LARS2: variants seen among roughly 807,000 people sequenced by gnomAD.
LARS2 encodes leucyl-tRNA synthetase 2, mitochondrial.
In LARS2, 81 loss-of-function variants were observed where a neutral mutation model predicts 116.6. The ratio of observed to expected loss-of-function variants is 0.69; its 90% CI spans 0.58 to 0.84. The LOEUF is 0.84. LARS2 is among the 40% of genes least tolerant of loss of function. The probability of loss-of-function intolerance (pLI) is 0.00; values close to 1 mark genes in which losing one functional copy is unlikely to be tolerated. For missense variants in LARS2, 968 were observed against 1,114.5 expected (o/e 0.87, Z 1.87); for synonymous variants, 396 against 407.2 (o/e 0.97, Z 0.33).
intron 8 of LARS2, among the ~76,000 whole-genome samples, chr3:45,460,207 T>A (rs1434313776): frequency 6.6e-6 from 1 of 152,206 alleles, no homozygotes; most frequent in Non-Finnish European, 1.5e-5. Flanking sequence ...TTTGGAGAGG[T>A]GCTCATTAGA....
chr3:45,464,665 G>C (rs979878503), intron 8 of LARS2, among the ~76,000 whole-genome samples: 5 of 152,158 alleles, frequency 3.3e-5, no homozygotes, highest in African/African-American at 4.8e-5. Flanking sequence ...CCTCCTGTTT[G>C]TGCGTCAAAG....
At chr3:45,399,061 G>C (rs1409701553) in intron 3 of LARS2, among the ~76,000 whole-genome samples, 1 of 152,204 alleles carries the variant, frequency 6.6e-6, no homozygotes, top group Non-Finnish European at 1.5e-5. Context: ...AGTTGTCTAT[G>C]TTTCTCATGA....
At position 45,476,638 on chromosome 3, in the gene LARS2, A is replaced by C. The variant is rs1292559559; in HGVS notation, c.1018+11A>C. The C allele has an allele frequency of 6.2e-7, 1 of 1,613,856 alleles. No individual in the cohort carries two copies. The highest frequency in any genetic ancestry group is 1.1e-5 in the South Asian group (1 of 91,078). On this transcript the variant is annotated intron_variant, in intron 10 of 21. Coordinates refer to ENST00000645846, the MANE Select transcript of LARS2 (RefSeq NM_015340.4). ...TTGTCCCTGGCAAAGGTGAGCTGGC[A>C]AGTTAACGGCTCAGGTGGTAGGATT... is the stretch of plus-strand genomic sequence containing the variant.
chr3:45,523,009 G>T (rs1559496750), intron 19 of LARS2, among the ~76,000 whole-genome samples: 1 of 152,086 alleles, frequency 6.6e-6, no homozygotes, highest in Non-Finnish European at 1.5e-5. Flanking sequence ...TGCATTTTTG[G>T]AGACAAGGAT....
At chr3:45,450,462 T>A (rs1431433182) in intron 7 of LARS2, among the ~76,000 whole-genome samples, 2 of 152,226 alleles carry the variant, frequency 1.3e-5, no homozygotes, top group Admixed American at 6.5e-5. Context: ...TCCACTTTTT[T>A]AAGCTCTCAC....
At position 45,491,732 on chromosome 3, in the gene LARS2, G is replaced by A. The variant is rs2128361; in HGVS notation, c.1455G>A (p.Ala485=). Residue 485 remains alanine (A), a synonymous_variant, in exon 13 of 22, where the codon GCG becomes GCA. Coordinates refer to ENST00000645846, the MANE Select transcript of LARS2 (RefSeq NM_015340.4). Reference sequence around the variant, plus strand: ...TGCCTGTGACCCTGCCCAACATCGCGTCTTTCACTGGCAAGGGAGGCCCCC... The same window carrying A: ...TGCCTGTGACCCTGCCCAACATCGCATCTTTCACTGGCAAGGGAGGCCCCC... ...EDLPVTLPNI[A]SFTGKGGPPL... The A allele has an allele frequency of 0.92, 1,488,293 of 1,614,084 alleles. 697,058 individuals carry two copies. The highest frequency in any genetic ancestry group is 0.98 in the East Asian group (43,865 of 44,884).
intron 6 of LARS2, among the ~76,000 whole-genome samples, chr3:45,443,652 T>C (rs116640578): frequency 0.021 from 3,249 of 152,142 alleles, 82 homozygotes; most frequent in African/African-American, 0.07. Flanking sequence ...TCTGGGCAGG[T>C]GAGTCACGCA....
intron 4 of LARS2, among the ~76,000 whole-genome samples, chr3:45,408,604 TTC>T (rs141045345): frequency 5.9e-4 from 88 of 149,322 alleles, no homozygotes; most frequent in Non-Finnish European, 6.6e-4. Flanking sequence ...GCCAGAAAAT[TTC>T]TCTCTCTCTC....
intron 6 of LARS2, among the ~76,000 whole-genome samples, chr3:45,438,277 T>C (rs1464383894): frequency 1.3e-5 from 2 of 152,152 alleles, no homozygotes; most frequent in Non-Finnish European, 2.9e-5. Flanking sequence ...CCTTAGAGCA[T>C]ACATGTTTAA....
Position 45,496,366 on chromosome 3 carries a change from C to T in LARS2, c.1615C>T (p.Pro539Ser), listed in dbSNP as rs1700011314. Residue 539 changes from proline (P) to serine (S), a missense_variant, in exon 14 of 22, where the codon CCA becomes TCA. Coordinates refer to ENST00000645846, the MANE Select transcript of LARS2 (RefSeq NM_015340.4). ...CTTCAGATACACTGACCCTCATAAT[C>T]CACACAGGTAAAACGTCCCTGCTGA... ...YYFRYTDPHN[P>S]HSPFNTAVAD... 2 of 1,611,848 alleles carry T rather than the reference C, an allele frequency of 1.2e-6. No individual in the cohort carries two copies. The highest frequency in any genetic ancestry group is 1.7e-5 in the Admixed American group (1 of 59,986).
At chr3:45,496,854 C>T (rs1157842343) in intron 14 of LARS2, among the ~76,000 whole-genome samples, 1 of 152,230 alleles carries the variant, frequency 6.6e-6, no homozygotes, top group African/African-American at 2.4e-5. Context: ...AGTGCTACAT[C>T]ATTAAGTTAG....
At chr3:45,535,181 C>G (rs1411900154) in intron 20 of LARS2, among the ~76,000 whole-genome samples, 2 of 151,948 alleles carry the variant, frequency 1.3e-5, no homozygotes, top group Non-Finnish European at 2.9e-5. Flanking sequence ...AACTCTGTCT[C>G]TACTAAAAAA....
At chr3:45,537,158 T>G (rs77453700) in intron 20 of LARS2, among the ~76,000 whole-genome samples, 7,308 of 152,294 alleles carry the variant, frequency 0.048, 182 homozygotes, top group Middle Eastern at 0.085. Context: ...GCCATTTTTA[T>G]AGTTCTGTGT....
rs766759811 is a variant in LARS2, at chr3:45,516,127, A to C, written c.1895A>C (p.Lys632Thr). 1.9e-6 allele frequency: 3 copies of C among 1,614,172 alleles called. No individual in the cohort carries two copies. The highest frequency in any genetic ancestry group is 2.5e-6 in the Non-Finnish European group (3 of 1,180,002). The change falls in exon 17 of 22, where the codon AAG becomes ACG. Residue 632 changes from lysine to threonine, a missense_variant. Lys to Thr is a moderately conservative substitution (Grantham distance 78). Coordinates refer to ENST00000645846, the MANE Select transcript of LARS2 (RefSeq NM_015340.4). ...CCTGTTCATGCAAAAACGAAAGAGAAGTTAGAGGTGACGTGGGAGAAGATG... is the reference window on the plus strand; with the variant it reads ...CCTGTTCATGCAAAAACGAAAGAGACGTTAGAGGTGACGTGGGAGAAGATG... ...SVPVHAKTKE[K>T]LEVTWEKMSK...
intron 6 of LARS2, among the ~76,000 whole-genome samples, chr3:45,436,285 T>G (rs1108180): frequency 0.12 from 18,603 of 152,038 alleles, 1,406 homozygotes; most frequent in Middle Eastern, 0.2. Context: ...TCCAGATGAT[T>G]CTGTCCTGTT....
intron 21 of LARS2, among the ~76,000 whole-genome samples, chr3:45,546,567 A>C (rs1475998513): frequency 6.6e-6 from 1 of 152,216 alleles, no homozygotes; most frequent in Non-Finnish European, 1.5e-5. Context: ...AATTATTCCT[A>C]GTAACTTTTC....
At chr3:45,448,790 C>A (rs1288034044) in intron 7 of LARS2, among the ~76,000 whole-genome samples, 1 of 152,224 alleles carries the variant, frequency 6.6e-6, no homozygotes, top group African/African-American at 2.4e-5. Flanking sequence ...GTGGTTTTCC[C>A]CCCTGGGCAG....
intron 6 of LARS2, among the ~76,000 whole-genome samples, chr3:45,420,643 A>T (rs17638318): frequency 0.12 from 17,637 of 152,146 alleles, 1,256 homozygotes; most frequent in Middle Eastern, 0.19. Context: ...ATTTCCTCAC[A>T]CCAGAGTCAA....
At chr3:45,514,488 AGT>A (rs1299143876) in intron 16 of LARS2, among the ~76,000 whole-genome samples, 1 of 152,220 alleles carries the variant, frequency 6.6e-6, no homozygotes. Context: ...CAGAACTGGC[AGT>A]GTCTCTCCAG....
Sources: gnomAD v4.1 joint callset for allele counts (sites outside exome capture counted in the v4.1 genomes callset) on GRCh38, gnomAD v4.1.1 for gene constraint, MANE v1.5 for transcripts, NCBI Gene and HGNC (gene_info 2026-07-23, HGNC 2026-07-21) for gene names.